DNAAF1: variants seen among roughly 807,000 people sequenced by gnomAD.
DNAAF1 encodes dynein assembly factor 1, axonemal.
A neutral mutation model predicts 71.1 loss-of-function variants in DNAAF1; 65 were observed. The observed-to-expected ratio is 0.91, with a 90% confidence interval of 0.75 to 1.12. DNAAF1 has a LOEUF of 1.12. DNAAF1 is among the 50% of genes most tolerant of loss of function. The pLI, the probability that DNAAF1 is intolerant of heterozygous loss-of-function variation, is 0.00. For missense variants in DNAAF1, 1,178 were observed against 899.8 expected (o/e 1.31, Z -3.96); for synonymous variants, 414 against 354.6 (o/e 1.17, Z -1.88).
chr16:84,160,730 C>G (rs530111849), intron 6 of DNAAF1, among the ~76,000 whole-genome samples: 4 of 151,362 alleles, frequency 2.6e-5, no homozygotes, highest in South Asian at 2.1e-4. Flanking sequence ...GTCAGGAGAT[C>G]GAGACCACCC....
chr16:84,153,069 G>C (rs1183547234), intron 3 of DNAAF1, among the ~76,000 whole-genome samples: 2 of 152,112 alleles, frequency 1.3e-5, no homozygotes, highest in African/African-American at 4.8e-5. Context: ...AAAGAAATGT[G>C]ACCAGTTACT....
At chr16:84,146,948 G>C (rs1388960161) in intron 1 of DNAAF1, among the ~76,000 whole-genome samples, 2 of 152,190 alleles carry the variant, frequency 1.3e-5, no homozygotes, top group Non-Finnish European at 2.9e-5. Context: ...GATGAACCTT[G>C]TATGAGGAGC....
rs538267363 is a variant in DNAAF1, at chr16:84,156,591, C to T, written c.741+842C>T. Among the ~76,000 whole-genome samples, 6 of 152,144 alleles carry T rather than the reference C, an allele frequency of 3.9e-5. No individual in the cohort carries two copies. In the South Asian group the frequency reaches 1.2e-3, roughly 31 times the overall value. ...TATGAAGTTCCCCGTCAGTCCTTCT[C>T]CCAGTTATTTTAGCAGTCACTGATG... is the stretch of plus-strand genomic sequence containing the variant. On this transcript the variant is annotated intron_variant, in intron 5 of 11. Transcript: ENST00000378553.
Position 84,172,896 on chromosome 16 carries a change from G to A in DNAAF1, c.1644+521G>A, listed in dbSNP as rs1033032038. On this transcript the variant is annotated intron_variant, in intron 9 of 11. Coordinates refer to ENST00000378553, the MANE Select transcript of DNAAF1 (RefSeq NM_178452.6). ...CATCCCCTTGAGTGAATGTTTGATC[G>A]CAGCCTTGCCTGTCACTCTTCCCTG... 11 of 1,007,606 alleles carry A rather than the reference G, an allele frequency of 1.1e-5. No individual in the cohort carries two copies. In the South Asian group the frequency reaches 1.3e-4, roughly 11 times the overall value. The allele number at this position is 1,007,606 out of a possible 1,614,324, so 62.4% of individuals were successfully genotyped here.
chr16:84,167,510 G>A (rs772766655), intron 7 of DNAAF1, among the ~76,000 whole-genome samples: 77 of 152,208 alleles, frequency 5.1e-4, no homozygotes, highest in Middle Eastern at 3.4e-3. Context: ...CCCAAGAGCC[G>A]CCCCATTCGA....
rs534620395 is a variant in DNAAF1 at position 84,154,670 on chromosome 16, C to T, written c.446C>T (p.Ala149Val). Reference sequence around the variant, plus strand: ...ATACAGAAAATCGAAAACCTGGAGGCCCAAACTGAGTTGCGTTGCCTCTTC... The same window carrying T: ...ATACAGAAAATCGAAAACCTGGAGGTCCAAACTGAGTTGCGTTGCCTCTTC... ...NGIQKIENLE[A>V]QTELRCLFLQ... Residue 149 changes from alanine (A) to valine (V), a missense_variant, in exon 4 of 12, where the codon GCC (alanine) becomes GTC (valine). Ala to Val is a moderately conservative substitution (Grantham distance 64). Transcript: ENST00000378553. 6.8e-6 allele frequency: 11 copies of T among 1,614,116 alleles called. No homozygotes were observed. In the East Asian group the frequency reaches 8.9e-5, roughly 13 times the overall value.
At chr16:84,159,152 C>T in intron 5 of DNAAF1, 1 of 996,044 alleles carries the variant, frequency 1.0e-6, no homozygotes, top group Non-Finnish European at 1.2e-6. Context: ...TCCTAAGTGA[C>T]AGCGGGGAGA....
chr16:84,176,709 C>T, intron 11 of DNAAF1: 1 of 302,426 alleles, frequency 3.3e-6, no homozygotes, highest in South Asian at 3.2e-5. Flanking sequence ...GAGTGTGGGG[C>T]AAGCGAGGTG....
intron 7 of DNAAF1, among the ~76,000 whole-genome samples, chr16:84,167,497 A>G (rs1006573341): frequency 1.3e-5 from 2 of 151,428 alleles, no homozygotes; most frequent in Admixed American, 6.6e-5. Flanking sequence ...AAGCCACCCC[A>G]CCCCCAAGAG....
chr16:84,173,722 T>A (rs994876142), intron 9 of DNAAF1: 5 of 178,700 alleles, frequency 2.8e-5, no homozygotes, highest in African/African-American at 1.2e-4. Context: ...CTGGGCGTGG[T>A]GGCAGGTGCC....
intron 9 of DNAAF1, 139 bp downstream of exon 9, chr16:84,172,514 G>C (rs1206470119): frequency 1.3e-6 from 2 of 1,497,072 alleles, no homozygotes; most frequent in East Asian, 2.5e-5. Context: ...TGGGGCGCTG[G>C]TTAGAAATGC....
intron 7 of DNAAF1, 40 bp from the exon 8 acceptor site, chr16:84,169,819 A>G: frequency 6.2e-7 from 1 of 1,612,454 alleles, no homozygotes; most frequent in South Asian, 1.1e-5. Context: ...TTGTCCTCCC[A>G]GGACACTCCC....
At chr16:84,170,481 T>G in intron 8 of DNAAF1, 125 bp downstream of exon 8, 1 of 1,433,560 alleles carries the variant, frequency 7.0e-7, no homozygotes, top group South Asian at 1.2e-5. Flanking sequence ...TTCTAGAAGA[T>G]AATGGACACT....
chr16:84,175,561 C>T (rs1483559483), intron 10 of DNAAF1: 10 of 287,388 alleles, frequency 3.5e-5, no homozygotes, highest in Non-Finnish European at 6.7e-5. Flanking sequence ...AGAAAACAGA[C>T]ACAGTTACTG....
intron 3 of DNAAF1, among the ~76,000 whole-genome samples, chr16:84,152,312 A>G (rs2087222378): frequency 6.6e-6 from 1 of 152,206 alleles, no homozygotes; most frequent in Admixed American, 6.5e-5. Context: ...TCAACAAAAA[A>G]TTACAATGTA....
intron 3 of DNAAF1, among the ~76,000 whole-genome samples, chr16:84,152,497 A>C (rs2087231954): frequency 6.6e-6 from 1 of 151,456 alleles, no homozygotes; most frequent in Non-Finnish European, 1.5e-5. Flanking sequence ...AACACACACA[A>C]AAATTGGCCA....
intron 3 of DNAAF1, among the ~76,000 whole-genome samples, chr16:84,151,014 T>C (rs1457329251): frequency 1.3e-5 from 2 of 152,160 alleles, no homozygotes; most frequent in Non-Finnish European, 2.9e-5. Flanking sequence ...AAACAAATGA[T>C]GAGGATCTTT....
chr16:84,146,368 G>A (rs946534080), intron 1 of DNAAF1, among the ~76,000 whole-genome samples: 3 of 152,126 alleles, frequency 2.0e-5, no homozygotes, highest in Non-Finnish European at 2.9e-5. Context: ...TGAAGACTTG[G>A]TTCTGGGGTC....
At chr16:84,158,563 G>A (rs148513043) in intron 5 of DNAAF1, among the ~76,000 whole-genome samples, 119 of 152,302 alleles carry the variant, frequency 7.8e-4, no homozygotes, top group Middle Eastern at 6.8e-3. Context: ...AGCCCAGAAC[G>A]AAAGCAGGTT....
Sources: allele counts gnomAD v4.1 joint callset (sites outside exome capture counted in the v4.1 genomes callset), GRCh38; gene constraint gnomAD v4.1.1; transcripts MANE v1.5; gene names NCBI Gene and HGNC (gene_info 2026-07-23, HGNC 2026-07-21).